Variants in CLN3 observed in about 807,000 individuals in gnomAD.
The protein encoded by CLN3 is battenin.
CLN3 carries 49 observed loss-of-function variants against 60.7 expected under a neutral mutation model. That is an observed-to-expected ratio of 0.81 (90% CI 0.64 to 1.02). CLN3 has a LOEUF of 1.02. Ranked by LOEUF, CLN3 falls within the 50% of genes least tolerant of loss-of-function variation. The probability of loss-of-function intolerance (pLI) is 0.00; values close to 1 mark genes in which losing one functional copy is unlikely to be tolerated. For synonymous variants in CLN3, 256 were observed against 245.8 expected, an observed-to-expected ratio of 1.04 and a Z score of -0.39; for missense variants, 516 against 557.4, an observed-to-expected ratio of 0.93 and a Z score of 0.75.
At position 28,486,208 on chromosome 16, in the gene CLN3, G is replaced by A. The variant is rs1596561192; in HGVS notation, c.677+139C>T. ...AGACGGGGTTTCACCATGTTGGCCA[G>A]GCTGGTTTCCTGACCTTAGGCGATC... On this transcript the variant is annotated intron_variant, in intron 9 of 15. Transcript: ENST00000636147. 1.7e-5 allele frequency: 18 copies of A among 1,061,024 alleles called. No homozygotes were observed. The East Asian group carries it at 4.4e-4, about 26-fold the overall frequency. 65.7% of individuals were successfully genotyped at this position (1,061,024 alleles called of 1,614,324 possible).
At chr16:28,485,242 C>A (rs2046186595) in intron 9 of CLN3, among the ~76,000 whole-genome samples, 1 of 147,812 alleles carries the variant, frequency 6.8e-6, no homozygotes, top group South Asian at 2.3e-4. Context: ...CATGCCCGGC[C>A]AAAGTGTTTT....
rs773692029 is a variant in CLN3 at position 28,477,891 on chromosome 16, G to C, written c.1057-14C>G. Reference sequence around the variant, plus strand: ...CAGGTTGAGGCACTGTGAACAGGGGGAGAGGCTAAGCCTGGGACCAGGGCG... The same window carrying C: ...CAGGTTGAGGCACTGTGAACAGGGGCAGAGGCTAAGCCTGGGACCAGGGCG... On this transcript the variant is annotated splice_polypyrimidine_tract_variant and intron_variant, in intron 14 of 15. Coordinates refer to ENST00000636147, the MANE Select transcript of CLN3 (RefSeq NM_001042432.2). 2.5e-6 allele frequency: 4 copies of C among 1,613,050 alleles called. No individual in the cohort carries two copies. The African/African-American group carries it at 4.0e-5, about 16-fold the overall frequency.
Position 28,482,051 on chromosome 16 carries a change from G to T in CLN3, c.1056+54C>A, listed in dbSNP as rs1174457243. The T allele has an allele frequency of 4.2e-6, 6 of 1,412,308 alleles. No individual in the cohort carries two copies. In the South Asian group the frequency reaches 4.7e-5, roughly 11 times the overall value. 87.5% of individuals were successfully genotyped at this position (1,412,308 alleles called of 1,614,324 possible). On this transcript the variant is annotated intron_variant, in intron 14 of 15. Coordinates refer to ENST00000636147, the MANE Select transcript of CLN3 (RefSeq NM_001042432.2). The stretch of plus-strand genomic sequence containing the variant: ...GGAAGCAGGGGGTTTGGGGAAGCTG[G>T]GAGCCAAGCTGGGAGCCAAGGTGGG...
intron 7 of CLN3, 193 bp from the exon 8 acceptor site, chr16:28,486,843 A>C (rs2046228457): frequency 3.1e-6 from 2 of 654,262 alleles, no homozygotes; most frequent in East Asian, 5.5e-5. Flanking sequence ...TGGCACCTCC[A>C]TCCACCCAGT....
intron 10 of CLN3, 142 bp downstream of exon 10, chr16:28,483,864 A>G (rs2046153330): frequency 3.0e-6 from 2 of 671,930 alleles, no homozygotes. Flanking sequence ...GTCCTCAACA[A>G]GTATTTCTCA....
At chr16:28,470,862 T>G (rs563544009), downstream of CLN3, among the ~76,000 whole-genome samples, 1,122 of 114,016 alleles carry the variant, frequency 9.8e-3, 5 homozygotes, top group East Asian at 0.081. Flanking sequence ...TAGGAGCAAT[T>G]AGAGGGAGAC....
At chr16:28,471,170 G>C (rs2141687263), downstream of CLN3, 1 of 419,248 alleles carries the variant, frequency 2.4e-6, no homozygotes, top group East Asian at 3.7e-5. Flanking sequence ...GGTTCCTCAA[G>C]GTCACTTTTG....
chr16:28,488,766 T>A (rs2046265198), intron 4 of CLN3, 104 bp from the exon 5 acceptor site: 2 of 1,146,050 alleles, frequency 1.7e-6, no homozygotes, highest in African/African-American at 3.0e-5. Flanking sequence ...TGGCTTTGGG[T>A]CAGCAGTGAC....
intron 14 of CLN3, chr16:28,479,631 C>T (rs1309952229): frequency 1.9e-5 from 3 of 157,884 alleles, no homozygotes; most frequent in Non-Finnish European, 2.8e-5. Flanking sequence ...ATTTGCTGGG[C>T]GTGGTGGCGC....
chr16:28,488,326 T>TATATATATATATA (rs1179716299), intron 5 of CLN3: 1 of 186,756 alleles, frequency 5.4e-6, no homozygotes, highest in Admixed American at 5.8e-5. Flanking sequence ...CTCAATTATT[T>TATATATATATATA]TATATATATA....
At chr16:28,482,699 A>G in intron 10 of CLN3, 27 bp from the exon 11 acceptor site, 1 of 1,614,012 alleles carries the variant, frequency 6.2e-7, no homozygotes, top group Non-Finnish European at 8.5e-7. Flanking sequence ...AGAGAAGGGC[A>G]GATGAAGTTT....
At chr16:28,473,443 G>A (rs1567251738), downstream of CLN3, among the ~76,000 whole-genome samples, 1 of 151,120 alleles carries the variant, frequency 6.6e-6, no homozygotes, top group Non-Finnish European at 1.5e-5. Flanking sequence ...TGCTCATGCT[G>A]GTCTTGAACT....
rs374400500 is a variant in CLN3 at position 28,492,000 on chromosome 16, A to G, written c.-77+20T>C. ...TACTCTCCCCCGCCCCGTCTACAGC[A>G]GGGACCCTGAGGCCTGTACCTTTAA... On this transcript the variant is annotated intron_variant, in intron 1 of 15. Coordinates refer to ENST00000636147, the MANE Select transcript of CLN3 (RefSeq NM_001042432.2). 23 of 611,156 alleles carry G rather than the reference A, an allele frequency of 3.8e-5. No homozygotes were observed. The highest frequency in any genetic ancestry group is 2.8e-4 in the African/African-American group (15 of 54,284). 37.9% of individuals were successfully genotyped at this position (611,156 alleles called of 1,614,324 possible). A position where few individuals can be genotyped will look rare whatever the true frequency, so the allele number is the denominator to read the frequency against.
rs921194868 is a variant in CLN3, at chr16:28,489,463, A to G, written c.126-77T>C. ...TAGCCTTTGTGCCAAACCTTCCCTTACCTGTGCCCTTCAATCAGCCCCCTC... is the reference window on the plus strand; with the variant it reads ...TAGCCTTTGTGCCAAACCTTCCCTTGCCTGTGCCCTTCAATCAGCCCCCTC... On this transcript the variant is annotated intron_variant, in intron 3 of 15. Coordinates refer to ENST00000636147, the MANE Select transcript of CLN3 (RefSeq NM_001042432.2). The G allele has an allele frequency of 5.0e-6, 5 of 1,004,644 alleles. No individual in the cohort carries two copies. The African/African-American group carries it at 8.0e-5, about 16-fold the overall frequency. The allele number at this position is 1,004,644 out of a possible 1,614,324, so 62.2% of individuals were successfully genotyped here. A position where few individuals can be genotyped will look rare whatever the true frequency, so the allele number is the denominator to read the frequency against.
intron 10 of CLN3, among the ~76,000 whole-genome samples, 169 bp from the exon 11 acceptor site, chr16:28,482,841 T>C (rs1364571089): frequency 6.6e-6 from 1 of 152,144 alleles, no homozygotes; most frequent in Non-Finnish European, 1.5e-5. Flanking sequence ...CAGTGGCTCA[T>C]GCTTGTAATC....
chr16:28,468,625 G>A, the CLN3 span, among the ~76,000 whole-genome samples: 4 of 140,092 alleles, frequency 2.9e-5, no homozygotes, highest in Admixed American at 2.2e-4. Flanking sequence ...TAGCTAACAC[G>A]GTGAAACCCA....
chr16:28,488,342 T>G (rs1387793594), intron 5 of CLN3: 4 of 222,426 alleles, frequency 1.8e-5, no homozygotes, highest in Non-Finnish European at 2.5e-5. Context: ...ATATATATTT[T>G]TTAATTTTTT....
chr16:28,479,768 CA>C, intron 14 of CLN3: 1 of 216,604 alleles, frequency 4.6e-6, no homozygotes, highest in Non-Finnish European at 9.8e-6. Flanking sequence ...GACTCCATCT[CA>C]AAAAACAAAA....
chr16:28,482,662 G>T lies in CLN3; in HGVS notation c.801C>A (p.Ser267=). 1.9e-6 allele frequency: 3 copies of T among 1,614,200 alleles called. No homozygotes were observed. Among genetic ancestry groups the T allele is most frequent in the Non-Finnish European group, 2.5e-6 (3 of 1,180,032 alleles). Residue 267 remains serine, a synonymous_variant, in exon 11 of 16, where the codon TCC becomes TCA. Coordinates refer to ENST00000636147, the MANE Select transcript of CLN3 (RefSeq NM_001042432.2). ...TCCACCTTTCCCGAAGGGAGAGGCT[G>T]GAGCTGGAGCCTGCAGGGGAACAGA... ...EAPESKPGSS[S]SLSLRERWTV...
Sources: gnomAD v4.1 joint callset for allele counts (sites outside exome capture counted in the v4.1 genomes callset) on GRCh38, gnomAD v4.1.1 for gene constraint, MANE v1.5 for transcripts, NCBI Gene and HGNC (gene_info 2026-07-23, HGNC 2026-07-21) for gene names.